ASAP3: variants seen among roughly 807,000 people sequenced by gnomAD.
The protein encoded by ASAP3 is arf-GAP with SH3 domain, ANK repeat and PH domain-containing protein 3.
A neutral mutation model predicts 118.2 loss-of-function variants in ASAP3; 85 were observed. That is an observed-to-expected ratio of 0.72 (90% confidence interval 0.60 to 0.86). The LOEUF (loss-of-function observed/expected upper bound fraction) is 0.86, where lower values mean the gene tolerates loss of function less well. ASAP3 is among the 40% of genes least tolerant of loss of function. The pLI, the probability that ASAP3 is intolerant of heterozygous loss-of-function variation, is 0.00. For synonymous variants in ASAP3, 432 were observed against 477.4 expected, an observed-to-expected ratio of 0.90 and a Z score of 1.24; for missense variants, 1,026 against 1,175.0, an observed-to-expected ratio of 0.87 and a Z score of 1.85.
At chr1:23,471,999 C>A (rs1372330765) in intron 1 of ASAP3, among the ~76,000 whole-genome samples, 2 of 152,142 alleles carry the variant, frequency 1.3e-5, no homozygotes, top group African/African-American at 4.8e-5. Context: ...ACAAAAAAGG[C>A]CACATATAGT....
chr1:23,431,783 T>C lies in ASAP3; in HGVS notation c.2459A>G (p.Glu820Gly). The stretch of plus-strand genomic sequence containing the variant: ...GGTGCCTGGGGGCTCTCGGAGGCCC[T>C]CTTCAGAGTTGGGTGGGGCTTGGCT... ...DPSQAPPNSE[E>G]GLREPPGTSR... is the part of the protein sequence containing the mutation. Residue 820 changes from glutamate (E) to glycine (G), a missense_variant, in exon 23 of 25, where the codon GAG becomes GGG. Transcript: ENST00000336689. The C allele has an allele frequency of 1.3e-6, 2 of 1,536,210 alleles. No individual in the cohort carries two copies. Among genetic ancestry groups the C allele is most frequent in the African/African-American group, 1.4e-5 (1 of 70,760 alleles).
intron 1 of ASAP3, among the ~76,000 whole-genome samples, chr1:23,458,884 C>A (rs1641477028): frequency 6.6e-6 from 1 of 151,998 alleles, no homozygotes; most frequent in Non-Finnish European, 1.5e-5. Flanking sequence ...AAGATATGAA[C>A]AACTGGGCCA....
intron 5 of ASAP3, among the ~76,000 whole-genome samples, chr1:23,445,106 CTTCT>C (rs1417072986): frequency 7.2e-5 from 11 of 151,832 alleles, no homozygotes; most frequent in Admixed American, 2.6e-4. Flanking sequence ...TCAGGACAGA[CTTCT>C]TTGTGAATCT....
chr1:23,445,624 G>A (rs183297920), intron 5 of ASAP3, among the ~76,000 whole-genome samples: 48 of 152,296 alleles, frequency 3.2e-4, no homozygotes, highest in African/African-American at 1.1e-3. Flanking sequence ...CCATCAGTAG[G>A]AAGTAGTTAG....
chr1:23,474,836 G>C (rs1325531647), intron 1 of ASAP3, among the ~76,000 whole-genome samples: 1 of 152,160 alleles, frequency 6.6e-6, no homozygotes, highest in Non-Finnish European at 1.5e-5. Context: ...CCCTGCCTCA[G>C]CCTCCCAAAG....
At chr1:23,481,409 TG>T (rs141034283) in intron 1 of ASAP3, among the ~76,000 whole-genome samples, 1 of 152,294 alleles carries the variant, frequency 6.6e-6, no homozygotes, top group African/African-American at 2.4e-5. Context: ...GGGAAAAAAT[TG>T]CAGCATCAAA....
chr1:23,484,179 TG>T (rs902494271), upstream of ASAP3: 1 of 1,228,090 alleles, frequency 8.1e-7, no homozygotes, highest in African/African-American at 1.6e-5. Flanking sequence ...CGGGGGGCAC[TG>T]AGCTGCTCCG....
chr1:23,457,930 T>C (rs1423655325), intron 1 of ASAP3, among the ~76,000 whole-genome samples: 5 of 152,192 alleles, frequency 3.3e-5, no homozygotes, highest in African/African-American at 1.2e-4. Context: ...AAATACAGGA[T>C]TTAGCTTGGT....
At chr1:23,467,677 C>T (rs1365368163) in intron 1 of ASAP3, among the ~76,000 whole-genome samples, 3 of 151,816 alleles carry the variant, frequency 2.0e-5, no homozygotes, top group East Asian at 1.9e-4. Context: ...ACTAGGTCGG[C>T]GTGGTGGCTC....
At chr1:23,432,930 T>A in intron 22 of ASAP3, 147 bp downstream of exon 22, 1 of 797,642 alleles carries the variant, frequency 1.3e-6, no homozygotes, top group South Asian at 1.9e-5. Context: ...TCTGTTCTTT[T>A]ATCTGTAAGG....
intron 1 of ASAP3, among the ~76,000 whole-genome samples, chr1:23,457,171 T>A (rs1047773821): frequency 6.6e-6 from 1 of 151,432 alleles, no homozygotes. Context: ...GAGAGACACA[T>A]GGTGGGGAAG....
intron 1 of ASAP3, among the ~76,000 whole-genome samples, chr1:23,456,605 T>C (rs1002306501): frequency 1.3e-5 from 2 of 152,182 alleles, no homozygotes; most frequent in Admixed American, 6.5e-5. Flanking sequence ...CTAGGGGACT[T>C]GTGGAGTTGC....
At chr1:23,468,965 C>T (rs1263763289) in intron 1 of ASAP3, among the ~76,000 whole-genome samples, 4 of 104,724 alleles carry the variant, frequency 3.8e-5, no homozygotes, top group African/African-American at 1.4e-4. Context: ...AAAAAAAAAA[C>T]AAAAAAAACC....
At chr1:23,432,105 C>A (rs1409043603) in intron 22 of ASAP3, among the ~76,000 whole-genome samples, 187 bp from the exon 23 acceptor site, 2 of 149,632 alleles carry the variant, frequency 1.3e-5, no homozygotes, top group African/African-American at 2.5e-5. Flanking sequence ...CTCCCAGGTT[C>A]AAGAGATTCT....
chr1:23,479,246 T>C (rs1242338130), intron 1 of ASAP3, among the ~76,000 whole-genome samples: 4 of 151,720 alleles, frequency 2.6e-5, no homozygotes, highest in African/African-American at 9.7e-5. Context: ...TGATGATGAA[T>C]GAGCGAAAGC....
Position 23,442,572 on chromosome 1 carries a change from C to T in ASAP3, c.514G>A (p.Gly172Arg), listed in dbSNP as rs757341327. The change falls in exon 6 of 25, where the codon GGA becomes AGA. Residue 172 changes from glycine to arginine, a missense_variant. Transcript: ENST00000336689. ...TGGGCCACCTCCCCAGGGATCCCTCCTGTCACCCTGGCCCGATCGCGCTCC... is the reference window on the plus strand; with the variant it reads ...TGGGCCACCTCCCCAGGGATCCCTCTTGTCACCCTGGCCCGATCGCGCTCC... ...EKERDRARVT[G>R]GIPGEVAQDM... The T allele has an allele frequency of 6.2e-6, 10 of 1,614,178 alleles. No individual in the cohort carries two copies. In the East Asian group the frequency reaches 2.0e-4, roughly 32 times the overall value.
intron 21 of ASAP3, 36 bp downstream of exon 21, chr1:23,433,389 C>T: frequency 6.2e-7 from 1 of 1,613,968 alleles, no homozygotes; most frequent in Non-Finnish European, 8.5e-7. Flanking sequence ...TTTCCTTCTG[C>T]CATCCAGAGG....
chr1:23,480,453 C>A (rs1468473889), intron 1 of ASAP3, among the ~76,000 whole-genome samples: 1 of 152,192 alleles, frequency 6.6e-6, no homozygotes, highest in African/African-American at 2.4e-5. Context: ...ATCCTTCCAC[C>A]TGGAAGTGTC....
At position 23,456,006 on chromosome 1, in the gene ASAP3, G is replaced by A. The variant is rs768995083; in HGVS notation, c.223C>T (p.Gln75Ter). Reference sequence around the variant, plus strand: ...AAGGATTCCACGGCCTCTCGGTACTGCTCTTCATTCTCCACATGGCCTGTG... The same window carrying A: ...AAGGATTCCACGGCCTCTCGGTACTACTCTTCATTCTCCACATGGCCTGTG... ...SGLGHVENEEQYREAVESLGN... is the reference protein window; with the variant it reads ...SGLGHVENEE Residue 75 changes from glutamine (Q) to a stop codon, truncating the protein, a stop_gained, in exon 3 of 25, where the codon CAG becomes TAG. Coordinates refer to ENST00000336689, the MANE Select transcript of ASAP3 (RefSeq NM_017707.4). LOFTEE classifies it high-confidence loss of function. The A allele has an allele frequency of 6.2e-7, 1 of 1,614,072 alleles. No homozygotes were observed. Among genetic ancestry groups the A allele is most frequent in the Non-Finnish European group, 8.5e-7 (1 of 1,180,040 alleles).
Sources: allele counts gnomAD v4.1 joint callset (sites outside exome capture counted in the v4.1 genomes callset), GRCh38; gene constraint gnomAD v4.1.1; transcripts MANE v1.5; gene names NCBI Gene and HGNC (gene_info 2026-07-23, HGNC 2026-07-21).